Variants in AJM1 observed in about 807,000 individuals in gnomAD.
The protein encoded by AJM1 is apical junction component 1 homolog.
In AJM1, 22 loss-of-function variants were observed where a neutral mutation model predicts 43.0. The observed-to-expected ratio is 0.51, with a 90% CI of 0.37 to 0.73. The LOEUF (loss-of-function observed/expected upper bound fraction) is 0.73. Among genes scored for constraint, AJM1 ranks in the 30% least tolerant of loss-of-function variants. The pLI, the probability that AJM1 is intolerant of heterozygous loss-of-function variation, is 0.00. For synonymous variants in AJM1, 719 were observed against 638.3 expected, an observed-to-expected ratio of 1.13 and a Z score of -1.91; for missense variants, 1,305 against 1,343.3, an observed-to-expected ratio of 0.97 and a Z score of 0.45.
In AJM1 at chr9:136,848,690, A is replaced by G. The variant is rs1291956377; in HGVS notation, c.*1345A>G. On this transcript the variant is annotated 3_prime_UTR_variant, in exon 3 of 3. Coordinates refer to ENST00000436881, the MANE Select transcript of AJM1 (RefSeq NM_001080482.5). Reference sequence around the variant, plus strand: ...CGCCGCGCCCCGCGCCCCCTACCCCAGGGCCTCTGCATTCGGCCCCACCCC... The same window carrying G: ...CGCCGCGCCCCGCGCCCCCTACCCCGGGGCCTCTGCATTCGGCCCCACCCC... 6.6e-6 allele frequency: 1 copy of G among 152,274 alleles called. No individual in the cohort carries two copies. The highest frequency in any genetic ancestry group is 2.4e-5 in the African/African-American group (1 of 41,026). The allele number at this position is 152,274 out of a possible 1,614,324, so 9.4% of individuals were successfully genotyped here. A position where few individuals can be genotyped will look rare whatever the true frequency, so the allele number is the denominator to read the frequency against.
chr9:136,844,297 G>T lies in AJM1; in HGVS notation c.-60+18G>T, dbSNP rs1848737201. The T allele has an allele frequency of 3.6e-6, 3 of 829,880 alleles. No homozygotes were observed. Among genetic ancestry groups the T allele is most frequent in the Non-Finnish European group, 5.9e-6 (3 of 507,414 alleles). The allele number at this position is 829,880 out of a possible 1,614,324, so 51.4% of individuals were successfully genotyped here. On this transcript the variant is annotated intron_variant, in intron 2 of 2. Transcript: ENST00000436881. ...CGCCCCAGGTAAGCCGGGCCAGCGT[G>T]GGGGAGTAGCGGGGCCTGGGCTGCG...
chr9:136,843,252 G>A (rs1348430249), intron 1 of AJM1, among the ~76,000 whole-genome samples: 1 of 152,248 alleles, frequency 6.6e-6, no homozygotes, highest in African/African-American at 2.4e-5. Context: ...GCAGAGGCCA[G>A]GCCTGTGGCC....
At position 136,847,656 on chromosome 9, in the gene AJM1, C is replaced by T. The variant is rs1564379875; in HGVS notation, c.*311C>T. On this transcript the variant is annotated 3_prime_UTR_variant, in exon 3 of 3. Coordinates refer to ENST00000436881, the MANE Select transcript of AJM1 (RefSeq NM_001080482.5). ...CTCCCAGCTCGCCCTCGAGGATCCC[C>T]AGAAGAAGTCGGTCCTCGCCCTCGG... The T allele has an allele frequency of 2.8e-6, 1 of 359,074 alleles. No individual in the cohort carries two copies. The highest frequency in any genetic ancestry group is 2.1e-5 in the African/African-American group (1 of 46,792). The allele number at this position is 359,074 out of a possible 1,614,324, so 22.2% of individuals were successfully genotyped here.
chr9:136,842,973 ACAGT>A (rs1483954911), intron 1 of AJM1, among the ~76,000 whole-genome samples: 4 of 146,340 alleles, frequency 2.7e-5, no homozygotes, highest in African/African-American at 1.0e-4. Flanking sequence ...AGGAGGGTAG[ACAGT>A]CCTGCCACGG....
chr9:136,842,706 T>C (rs1848719342), intron 1 of AJM1, among the ~76,000 whole-genome samples, 117 bp downstream of exon 1: 1 of 152,048 alleles, frequency 6.6e-6, no homozygotes, highest in Non-Finnish European at 1.5e-5. Flanking sequence ...GCTGTATCCC[T>C]TGAAGGGCCG....
At position 136,845,309 on chromosome 9, in the gene AJM1, G is replaced by A. The variant is rs1260153416; in HGVS notation, c.895G>A (p.Gly299Ser). 6.2e-7 allele frequency: 1 copy of A among 1,611,840 alleles called. No homozygotes were observed. Among genetic ancestry groups the A allele is most frequent in the Non-Finnish European group, 8.5e-7 (1 of 1,179,804 alleles). ...CCGGGGCAGCTTTGCAGCCAGTCCC[G>A]GCCCAACCTTCGACGCCTACTACCC... Reference protein sequence around the residue: ...GFRGSFAASPGPTFDAYYPRP... With the variant: ...GFRGSFAASPSPTFDAYYPRP... Residue 299 changes from glycine (G) to serine (S), a missense_variant, in exon 3 of 3, where the codon GGC becomes AGC. By Grantham distance (56) the Gly-to-Ser change is moderately conservative (BLOSUM62 0). Transcript: ENST00000436881.
Position 136,845,174 on chromosome 9 carries a change from T to G in AJM1, c.760T>G (p.Cys254Gly), listed in dbSNP as rs767080219. 63 of 1,587,984 alleles carry G rather than the reference T, an allele frequency of 4.0e-5. No individual in the cohort carries two copies. In the South Asian group the frequency reaches 6.1e-4, roughly 15 times the overall value. ...CTGTGCGGATCCCCGGGCGTTCTAC[T>G]GCGACGGGCCCCTGCCTGGGCCCCG... ...SYCADPRAFYCDGPLPGPRDY... is the reference protein window; with the variant it reads ...SYCADPRAFYGDGPLPGPRDY... The change falls in exon 3 of 3, where the codon TGC becomes GGC. Residue 254 changes from cysteine (C) to glycine (G), a missense_variant. This residue lies in a region of AJM1 where 653 missense variants were observed against 549.1 expected (regional missense o/e 1.19). Transcript: ENST00000436881.
Position 136,846,087 on chromosome 9 carries a change from C to G in AJM1, c.1673C>G (p.Thr558Arg), listed in dbSNP as rs910101182. 7.8e-6 allele frequency: 12 copies of G among 1,530,262 alleles called. No homozygotes were observed. The highest frequency in any genetic ancestry group is 9.6e-6 in the Non-Finnish European group (11 of 1,142,602). The allele number at this position is 1,530,262 out of a possible 1,614,324, so 94.8% of individuals were successfully genotyped here. A position where few individuals can be genotyped will look rare whatever the true frequency, so the allele number is the denominator to read the frequency against. ...GCCTGGGAGTTGCCCGGGGGCCGCACGCGGCCACCTCCCCACGCGGCCCCC... is the reference window on the plus strand; with the variant it reads ...GCCTGGGAGTTGCCCGGGGGCCGCAGGCGGCCACCTCCCCACGCGGCCCCC... Reference protein sequence around the residue: ...ARAWELPGGRTRPPPHAAPDG... With the variant: ...ARAWELPGGRRRPPPHAAPDG... Residue 558 changes from threonine to arginine, a missense_variant, in exon 3 of 3, where the codon ACG becomes AGG. Transcript: ENST00000436881.
At position 136,845,539 on chromosome 9, in the gene AJM1, C is replaced by T. The variant is rs1848760017; in HGVS notation, c.1125C>T (p.Tyr375=). ...PRAHSTARPF[Y]TEDFGRYRER... ...CCCACTCCACCGCCCGCCCCTTTTA[C>T]ACGGAGGACTTCGGAAGGTACCGCG... The change falls in exon 3 of 3, where the codon TAC becomes TAT. Residue 375 remains tyrosine, a synonymous_variant. Transcript: ENST00000436881. The T allele has an allele frequency of 6.3e-7, 1 of 1,597,318 alleles. No individual in the cohort carries two copies. Among genetic ancestry groups the T allele is most frequent in the Non-Finnish European group, 8.5e-7 (1 of 1,173,178 alleles).
rs745700697 is a variant in AJM1, at chr9:136,845,805, G to A, written c.1391G>A (p.Gly464Asp). 32 of 1,568,374 alleles carry A rather than the reference G, an allele frequency of 2.0e-5. No individual in the cohort carries two copies. Among genetic ancestry groups the A allele is most frequent in the Non-Finnish European group, 2.6e-5 (30 of 1,162,926 alleles). The change falls in exon 3 of 3, where the codon GGC (glycine) becomes GAC (aspartate). Residue 464 changes from glycine to aspartate, a missense_variant. Physicochemically the swap from Gly to Asp is moderately conservative, Grantham distance 94 (BLOSUM62 -1). Coordinates refer to ENST00000436881, the MANE Select transcript of AJM1 (RefSeq NM_001080482.5). ...GGGCCGCGCCGAGAAGACCCGTTGG[G>A]CCGCGGCCGCAGCTACGAGAACCTG... is the stretch of plus-strand genomic sequence containing the variant. ...APGPRREDPL[G>D]RGRSYENLLG...
Position 136,845,063 on chromosome 9 carries a change from C to A in AJM1, c.649C>A (p.Arg217Ser), listed in dbSNP as rs1848749613. ...CGPTEAAHWA[R>S]PAPQFHGLTV... ...GCCCACCGAGGCCGCGCACTGGGCC[C>A]GCCCCGCCCCGCAGTTCCACGGCCT... The change falls in exon 3 of 3, where the codon CGC (arginine) becomes AGC (serine). Residue 217 changes from arginine to serine, a missense_variant. Arg to Ser is a moderately radical substitution (Grantham distance 110). This residue lies in a region of AJM1 where 653 missense variants were observed against 549.1 expected (regional missense o/e 1.19). Transcript: ENST00000436881. The A allele has an allele frequency of 9.8e-7, 1 of 1,019,902 alleles. No individual in the cohort carries two copies. Among genetic ancestry groups the A allele is most frequent in the Non-Finnish European group, 1.5e-6 (1 of 684,342 alleles). The allele number at this position is 1,019,902 out of a possible 1,614,324, so 63.2% of individuals were successfully genotyped here. A position where few individuals can be genotyped will look rare whatever the true frequency, so the allele number is the denominator to read the frequency against.
At position 136,845,046 on chromosome 9, in the gene AJM1, A is replaced by G; in HGVS notation, c.632A>G (p.Glu211Gly). ...GGCTCGCGGTCCTGCGGGCCCACCG[A>G]GGCCGCGCACTGGGCCCGCCCCGCC... Reference protein sequence around the residue: ...TRGSRSCGPTEAAHWARPAPQ... With the variant: ...TRGSRSCGPTGAAHWARPAPQ... The change falls in exon 3 of 3, where the codon GAG becomes GGG. Residue 211 changes from glutamate to glycine, a missense_variant. Glu to Gly is a moderately conservative substitution (Grantham distance 98, BLOSUM62 -2). Around this residue, in one of 6 missense-constraint regions of AJM1, gnomAD observed 653 missense variants for 549.1 expected, o/e 1.19. Transcript: ENST00000436881. The G allele has an allele frequency of 1.2e-6, 1 of 823,148 alleles. No homozygotes were observed. 51.0% of individuals were successfully genotyped at this position (823,148 alleles called of 1,614,324 possible). A position where few individuals can be genotyped will look rare whatever the true frequency, so the allele number is the denominator to read the frequency against.
chr9:136,846,477 G>C lies in AJM1; in HGVS notation c.2063G>C (p.Ser688Thr), dbSNP rs759118514. The C allele has an allele frequency of 2.5e-6, 4 of 1,593,504 alleles. No homozygotes were observed. Among genetic ancestry groups the C allele is most frequent in the Non-Finnish European group, 3.4e-6 (4 of 1,177,214 alleles). The change falls in exon 3 of 3, where the codon AGC becomes ACC. Residue 688 changes from serine (S) to threonine (T), a missense_variant. Around this residue, in one of 6 missense-constraint regions of AJM1, gnomAD observed 391 missense variants for 507.5 expected, o/e 0.77. Coordinates refer to ENST00000436881, the MANE Select transcript of AJM1 (RefSeq NM_001080482.5). The stretch of plus-strand genomic sequence containing the variant: ...TGCCTCTACTTCAAGTCCTGCCACA[G>C]CTGCTACACCTACTACTGCTCGCGC... ...NACLYFKSCHSCYTYYCSRLC... is the reference protein window; with the variant it reads ...NACLYFKSCHTCYTYYCSRLC...
rs1158454186 is a variant in AJM1 at position 136,847,878 on chromosome 9, A to G, written c.*533A>G. On this transcript the variant is annotated 3_prime_UTR_variant, in exon 3 of 3. Transcript: ENST00000436881. ...ACCAAAGCCCAGTCTGTCACTTTAA[A>G]CACGCCCCGCCCCGCCTCCCGCGGC... is the stretch of plus-strand genomic sequence containing the variant. 6.6e-6 allele frequency: 1 copy of G among 152,340 alleles called. No individual in the cohort carries two copies. The highest frequency in any genetic ancestry group is 1.5e-5 in the Non-Finnish European group (1 of 68,330). The allele number at this position is 152,340 out of a possible 1,614,324, so 9.4% of individuals were successfully genotyped here. A position where few individuals can be genotyped will look rare whatever the true frequency, so the allele number is the denominator to read the frequency against.
At chr9:136,844,163 AC>A (rs1278670045) in intron 1 of AJM1, among the ~76,000 whole-genome samples, 32 bp from the exon 2 acceptor site, 1 of 152,128 alleles carries the variant, frequency 6.6e-6, no homozygotes, top group African/African-American at 2.4e-5. Context: ...GACGGGCAGG[AC>A]GGGCGCCTGG....
chr9:136,844,177 A>G lies in AJM1; in HGVS notation c.-143-19A>G, dbSNP rs1848736251. On this transcript the variant is annotated intron_variant, in intron 1 of 2. Transcript: ENST00000436881. ...GGACGGGCAGGACGGGCGCCTGGAC[A>G]GCTGGGTTCCTCCCGCAGGTGCTTC... Among the ~76,000 whole-genome samples, 1 of 152,158 alleles carries G rather than the reference A, an allele frequency of 6.6e-6. No individual in the cohort carries two copies. The highest frequency in any genetic ancestry group is 1.5e-5 in the Non-Finnish European group (1 of 68,022).
In AJM1 at chr9:136,846,034, G is replaced by T; in HGVS notation, c.1620G>T (p.Leu540=). 1 of 1,544,168 alleles carries T rather than the reference G, an allele frequency of 6.5e-7. No homozygotes were observed. The highest frequency in any genetic ancestry group is 1.4e-5 in the African/African-American group (1 of 72,874). ...TPEITITDND[L]RATERPSARA... ...AGATCACCATCACTGACAATGACCTGCGCGCCACCGAGCGCCCGAGCGCCA... is the reference window on the plus strand; with the variant it reads ...AGATCACCATCACTGACAATGACCTTCGCGCCACCGAGCGCCCGAGCGCCA... Residue 540 remains leucine (L), a synonymous_variant, in exon 3 of 3, where the codon CTG becomes CTT. Transcript: ENST00000436881.
chr9:136,844,435 G>A lies in AJM1; in HGVS notation c.21G>A (p.Pro7=), dbSNP rs753865573. 9.3e-6 allele frequency: 15 copies of A among 1,611,868 alleles called. No individual in the cohort carries two copies. In the East Asian group the frequency reaches 2.5e-4, roughly 26 times the overall value. Residue 7 remains proline, a synonymous_variant, in exon 3 of 3, where the codon CCG becomes CCA. Transcript: ENST00000436881. MTRTDP[P]DLLVSTVYQD... ...TTAAGATGACCCGTACGGACCCTCC[G>A]GACCTGCTGGTGTCGACCGTGTACC... is the stretch of plus-strand genomic sequence containing the variant.
rs750712897 is a variant in AJM1, at chr9:136,844,520, G to C, written c.106G>C (p.Val36Leu). 15 of 1,608,324 alleles carry C rather than the reference G, an allele frequency of 9.3e-6. No individual in the cohort carries two copies. The Admixed American group carries it at 2.5e-4, about 27-fold the overall frequency. ...CAAGTGCTCGCCATGTGAGCGATCC[G>C]TGGCCCGGCCTGCTGAGCCCGCGCC... ...ASKCSPCERS[V>L]ARPAEPAPFN... The change falls in exon 3 of 3, where the codon GTG (valine) becomes CTG (leucine). Residue 36 changes from valine to leucine, a missense_variant. Around this residue, in one of 6 missense-constraint regions of AJM1, gnomAD observed 128 missense variants for 120.6 expected, o/e 1.06. Transcript: ENST00000436881.
Sources: allele counts gnomAD v4.1 joint callset (sites outside exome capture counted in the v4.1 genomes callset), GRCh38; gene constraint gnomAD v4.1.1; regional missense constraint gnomAD v4.1.1; transcripts MANE v1.5; gene names NCBI Gene and HGNC (gene_info 2026-07-23, HGNC 2026-07-21).